LRRC66: variants seen among roughly 807,000 people sequenced by gnomAD.
LRRC66 encodes leucine rich repeat containing 66.
Under a neutral mutation model 24.6 loss-of-function variants are expected in LRRC66, and 29 were observed. The observed-to-expected ratio is 1.18, with a 90% CI of 0.88 to 1.61. The LOEUF (loss-of-function observed/expected upper bound fraction) is 1.61, where lower values mean the gene tolerates loss of function less well. Ranked by LOEUF, LRRC66 falls within the 40% of genes most tolerant of loss-of-function variation. LRRC66 has a pLI of 0.00. For missense variants in LRRC66, 1,124 were observed against 1,058.0 expected (o/e 1.06, Z -0.87); for synonymous variants, 411 against 397.6 (o/e 1.03, Z -0.40).
At position 52,017,170 on chromosome 4, in the gene LRRC66, T is replaced by C. The variant is rs1736832214; in HGVS notation, c.444A>G (p.Pro148=). 3 of 1,614,008 alleles carry C rather than the reference T, an allele frequency of 1.9e-6. No individual in the cohort carries two copies. Among genetic ancestry groups the C allele is most frequent in the Non-Finnish European group, 2.5e-6 (3 of 1,179,990 alleles). ...RHRSSFRNRF[P]LLKVLILQRN... The stretch of plus-strand genomic sequence containing the variant: ...TTTGAAGAATGAGCACCTTCAGCAA[T>C]GGAAACCTGTTTCTGAAGCTGCTTC... The change falls in exon 2 of 5, where the codon CCA becomes CCG. Residue 148 remains proline, a synonymous_variant. Transcript: ENST00000682860.
At chr4:52,011,526 T>C (rs1736702916) in intron 2 of LRRC66, among the ~76,000 whole-genome samples, 1 of 152,136 alleles carries the variant, frequency 6.6e-6, no homozygotes, top group South Asian at 2.1e-4. Flanking sequence ...ACTCTAAACA[T>C]CTGAAGACAG....
In LRRC66 at chr4:51,995,196, GTGCCCCC is replaced by G; in HGVS notation, c.1819_1825del (p.Gly607LeufsTer18). On this transcript the variant is annotated frameshift_variant, in exon 5 of 5. Transcript: ENST00000682860. LOFTEE classifies it low-confidence loss of function (END_TRUNC). ...CTGCGAGTCCCAAAGTGACTGTTCAGTGCCCCCTCTTTCCTTACTATCTCCAGTCCTC... is the reference window on the plus strand; with the variant it reads ...CTGCGAGTCCCAAAGTGACTGTTCAGTCTTTCCTTACTATCTCCAGTCCTC... 1.2e-6 allele frequency: 2 copies of G among 1,614,176 alleles called. No homozygotes were observed. The highest frequency in any genetic ancestry group is 1.7e-6 in the Non-Finnish European group (2 of 1,180,024).
rs186542773 is a variant in LRRC66, at chr4:51,998,688, T to G, written c.667-751A>C. Among the ~76,000 whole-genome samples the G allele has an allele frequency of 1.8e-3, 270 of 152,326 alleles. 1 individual carries two copies. Among genetic ancestry groups the G allele is most frequent in the Non-Finnish European group, 2.9e-3 (196 of 68,018 alleles). On this transcript the variant is annotated intron_variant, in intron 3 of 4. Transcript: ENST00000682860. ...GGAAAGGGGAACAAGAAGTATCCAGTGGCTCTAGAAACAGAGAGCAGGATC... is the reference window on the plus strand; with the variant it reads ...GGAAAGGGGAACAAGAAGTATCCAGGGGCTCTAGAAACAGAGAGCAGGATC...
At chr4:52,003,860 T>C in intron 2 of LRRC66, among the ~76,000 whole-genome samples, 1 of 152,250 alleles carries the variant, frequency 6.6e-6, no homozygotes, top group East Asian at 1.9e-4. Flanking sequence ...GTTAAAAATA[T>C]AACTTTGATT....
In LRRC66 at chr4:52,019,117, C is replaced by T. The variant is rs576709404; in HGVS notation, c.-6+1187G>A. Among the ~76,000 whole-genome samples, 9 of 152,306 alleles carry T rather than the reference C, an allele frequency of 5.9e-5. No individual in the cohort carries two copies. The South Asian group carries it at 1.7e-3, about 28-fold the overall frequency. On this transcript the variant is annotated intron_variant, in intron 1 of 4. Coordinates refer to ENST00000682860, the MANE Select transcript of LRRC66 (RefSeq NM_001024611.3). ...CTCGAACTCCTGACCTCAGGTGACC[C>T]GCCCACCTTGGCCTCCCAAAGTGCT...
rs560040126 is a variant in LRRC66, at chr4:51,995,340, G to T, written c.1682C>A (p.Thr561Lys). The change falls in exon 5 of 5, where the codon ACG becomes AAG. Residue 561 changes from threonine to lysine, a missense_variant. Transcript: ENST00000682860. ...HSVGVSSVAGTSHAVSGSSRY... is the reference protein window; with the variant it reads ...HSVGVSSVAGKSHAVSGSSRY... ...GCTTGAGCCAGAGACAGCGTGAGACGTGCCAGCTACAGAAGAGACGCCCAC... is the reference window on the plus strand; with the variant it reads ...GCTTGAGCCAGAGACAGCGTGAGACTTGCCAGCTACAGAAGAGACGCCCAC... The T allele has an allele frequency of 6.2e-7, 1 of 1,614,166 alleles. No individual in the cohort carries two copies. Among genetic ancestry groups the T allele is most frequent in the East Asian group, 2.2e-5 (1 of 44,878 alleles).
At chr4:51,997,452 TTGGTGTG>T (rs1736345944) in intron 4 of LRRC66, among the ~76,000 whole-genome samples, 10 of 152,226 alleles carry the variant, frequency 6.6e-5, no homozygotes, top group Admixed American at 6.5e-4. Flanking sequence ...AGAATAAAGT[TTGGTGTG>T]TCAGAACAAA....
intron 2 of LRRC66, among the ~76,000 whole-genome samples, chr4:52,009,493 T>A (rs2110200323): frequency 6.6e-6 from 1 of 152,158 alleles, no homozygotes; most frequent in East Asian, 1.9e-4. Flanking sequence ...TTAAAAAGAT[T>A]TCTAGCCAGG....
intron 2 of LRRC66, among the ~76,000 whole-genome samples, chr4:52,010,842 C>T (rs1313224026): frequency 2.0e-5 from 3 of 151,990 alleles, no homozygotes; most frequent in African/African-American, 7.2e-5. Flanking sequence ...CTTGCTAGGT[C>T]GAATTGTAAT....
At chr4:52,018,057 C>T (rs1366895819) in intron 1 of LRRC66, 17 of 985,286 alleles carry the variant, frequency 1.7e-5, no homozygotes, top group Non-Finnish European at 1.9e-5. Flanking sequence ...TAAATGACAA[C>T]CAGTTACACT....
rs1736238178 is a variant in LRRC66 at position 51,994,428 on chromosome 4, T to A, written c.2594A>T (p.Asp865Val). The A allele has an allele frequency of 6.2e-7, 1 of 1,614,056 alleles. No individual in the cohort carries two copies. Among genetic ancestry groups the A allele is most frequent in the Admixed American group, 1.7e-5 (1 of 60,008 alleles). The change falls in exon 5 of 5, where the codon GAT becomes GTT. Residue 865 changes from aspartate (D) to valine (V), a missense_variant. Asp to Val is a radical substitution (Grantham distance 152). Coordinates refer to ENST00000682860, the MANE Select transcript of LRRC66 (RefSeq NM_001024611.3). ...TPPCSAEVPS[D>V]PDKAAFHERD... ...TTCATGGAAGGCAGCCTTATCAGGA[T>A]CTGAGGGAACTTCAGCAGAACATGG...
In LRRC66 at chr4:51,994,650, T is replaced by C; in HGVS notation, c.2372A>G (p.Glu791Gly). The change falls in exon 5 of 5, where the codon GAA becomes GGA. Residue 791 changes from glutamate to glycine, a missense_variant. Transcript: ENST00000682860. ...PDSGMYKTHL[E>G]NASDTDRSEG... ...AGATCTATCAGTGTCAGAGGCATTT[T>C]CCAGATGAGTCTTGTACATGCCAGA... The C allele has an allele frequency of 5.0e-6, 8 of 1,614,180 alleles. No individual in the cohort carries two copies. The highest frequency in any genetic ancestry group is 6.8e-6 in the Non-Finnish European group (8 of 1,180,028).
rs771385732 is a variant in LRRC66 at position 51,995,419 on chromosome 4, C to CGAG, written c.1600_1602dup (p.Leu534dup). The CGAG allele has an allele frequency of 6.2e-7, 1 of 1,614,148 alleles. No individual in the cohort carries two copies. Among genetic ancestry groups the CGAG allele is most frequent in the Non-Finnish European group, 8.5e-7 (1 of 1,180,046 alleles). The stretch of plus-strand genomic sequence containing the variant: ...GCCACAGTTTCATAAGTCCATTCTC[C>CGAG]GAGAATATCATTCCTATGGATGTGG... On this transcript the variant is annotated inframe_insertion, in exon 5 of 5. Coordinates refer to ENST00000682860, the MANE Select transcript of LRRC66 (RefSeq NM_001024611.3).
At chr4:52,016,940 C>T (rs911325753) in intron 2 of LRRC66, among the ~76,000 whole-genome samples, 178 bp downstream of exon 2, 5 of 152,156 alleles carry the variant, frequency 3.3e-5, no homozygotes, top group African/African-American at 1.2e-4. Flanking sequence ...ATTTCATTAG[C>T]TGTAAATTCC....
In LRRC66 at chr4:51,995,537, G is replaced by C; in HGVS notation, c.1485C>G (p.Thr495=). 6.2e-7 allele frequency: 1 copy of C among 1,614,114 alleles called. No homozygotes were observed. The change falls in exon 5 of 5, where the codon ACC becomes ACG. Residue 495 remains threonine, a synonymous_variant. Transcript: ENST00000682860. ...SQSPGQCGDN[T]GAGSGNDGAV... Reference sequence around the variant, plus strand: ...CACCATCATTTCCACTTCCTGCCCCGGTGTTGTCCCCGCACTGTCCTGGGC... The same window carrying C: ...CACCATCATTTCCACTTCCTGCCCCCGTGTTGTCCCCGCACTGTCCTGGGC...
rs1736495870 is a variant in LRRC66 at position 52,003,269 on chromosome 4, A to G, written c.620T>C (p.Ile207Thr). 1 of 1,613,774 alleles carries G rather than the reference A, an allele frequency of 6.2e-7. No individual in the cohort carries two copies. The highest frequency in any genetic ancestry group is 8.5e-7 in the Non-Finnish European group (1 of 1,179,894). Residue 207 changes from isoleucine (I) to threonine (T), a missense_variant, in exon 3 of 5, where the codon ATA (isoleucine) becomes ACA (threonine). Coordinates refer to ENST00000682860, the MANE Select transcript of LRRC66 (RefSeq NM_001024611.3). The stretch of plus-strand genomic sequence containing the variant: ...GAAGGCTTGTGGGGGAATTTTGAAT[A>G]TCTTGTTGCTCTTTAAACAGAGATT... ...LENLCLKSNK[I>T]FKIPPQAFKD...
At chr4:52,002,696 T>C (rs1248075409) in intron 3 of LRRC66, among the ~76,000 whole-genome samples, 2 of 152,244 alleles carry the variant, frequency 1.3e-5, no homozygotes, top group East Asian at 1.9e-4. Flanking sequence ...TATACAAGTA[T>C]GGAAATATCA....
Position 52,006,696 on chromosome 4 carries a change from TATAATAATA to T in LRRC66, c.497-3313_497-3305del, listed in dbSNP as rs71660471. Among the ~76,000 whole-genome samples, 187 of 132,824 alleles carry T rather than the reference TATAATAATA, an allele frequency of 1.4e-3. 1 individual carries two copies. Among genetic ancestry groups the T allele is most frequent in the African/African-American group, 3.5e-3 (123 of 35,314 alleles). The allele number at this position is 132,824 out of a possible 152,430, so 87.1% of individuals were successfully genotyped here. ...TGCACATGTACCCTAAAACTTAAAG[TATAATAATA>T]ATAATAATAATAATAATAATAAAGA... is the stretch of plus-strand genomic sequence containing the variant. On this transcript the variant is annotated intron_variant, in intron 2 of 4. Transcript: ENST00000682860.
At chr4:52,003,137 G>A in intron 3 of LRRC66, 86 bp downstream of exon 3, 1 of 1,087,148 alleles carries the variant, frequency 9.2e-7, no homozygotes, top group Non-Finnish European at 1.3e-6. Flanking sequence ...TACTGGACAT[G>A]AAGAAACTCT....
Sources: gnomAD v4.1 joint callset for allele counts (sites outside exome capture counted in the v4.1 genomes callset) on GRCh38, gnomAD v4.1.1 for gene constraint, MANE v1.5 for transcripts, NCBI Gene and HGNC (gene_info 2026-07-23, HGNC 2026-07-21) for gene names.